Variants in PIK3R6 observed in about 807,000 individuals in gnomAD.
The protein encoded by PIK3R6 is phosphoinositide-3-kinase regulatory subunit 6, also known as phosphoinositide 3-kinase regulatory subunit 6.
PIK3R6 carries 91 observed loss-of-function variants against 84.9 expected under a neutral mutation model. That is an observed-to-expected ratio of 1.07 (90% CI 0.90 to 1.28). PIK3R6 has a LOEUF of 1.28. Among genes scored for constraint, PIK3R6 ranks in the 50% most tolerant of loss-of-function variants. The probability of loss-of-function intolerance (pLI) is 0.00; values close to 1 mark genes in which losing one functional copy is unlikely to be tolerated. For missense variants in PIK3R6, 996 were observed against 985.1 expected, an observed-to-expected ratio of 1.01 and a Z score of -0.15; for synonymous variants, 416 against 411.4, an observed-to-expected ratio of 1.01 and a Z score of -0.13.
chr17:8,864,142 A>C (rs1345209014), intron 1 of PIK3R6, among the ~76,000 whole-genome samples: 1 of 152,248 alleles, frequency 6.6e-6, no homozygotes, highest in African/African-American at 2.4e-5. Flanking sequence ...CTTGGAAGAT[A>C]CTGTCCATTC....
chr17:8,866,582 C>A (rs2089419126), intron 1 of PIK3R6, among the ~76,000 whole-genome samples: 1 of 151,994 alleles, frequency 6.6e-6, no homozygotes, highest in South Asian at 2.1e-4. Flanking sequence ...CTCCACACAC[C>A]CCCTCTAGCT....
At chr17:8,838,972 G>A (rs1212092358) in intron 3 of PIK3R6, among the ~76,000 whole-genome samples, 1 of 152,212 alleles carries the variant, frequency 6.6e-6, no homozygotes, top group African/African-American at 2.4e-5. Flanking sequence ...TGTGTGCTCC[G>A]AGCCACATTC....
chr17:8,835,412 C>A lies in PIK3R6; in HGVS notation c.506G>T (p.Cys169Phe). Residue 169 changes from cysteine to phenylalanine, a missense_variant, in exon 8 of 20, where the codon TGC becomes TTC. Coordinates refer to ENST00000619866, the MANE Select transcript of PIK3R6 (RefSeq NM_001010855.4). ...CTCGATCTCCAGTAGCAGAGCACTG[C>A]ACACAGACGCAGACACCAGCTCAGG... ...VDPELVSASV[C>F]SALLLEIEAA... The A allele has an allele frequency of 6.2e-7, 1 of 1,604,558 alleles. No homozygotes were observed. The highest frequency in any genetic ancestry group is 1.1e-5 in the South Asian group (1 of 90,530).
In PIK3R6 at chr17:8,839,398, G is replaced by A. The variant is rs1168502973; in HGVS notation, c.97+216C>T. 2.0e-5 allele frequency among the ~76,000 whole-genome samples: 3 copies of A among 152,094 alleles called. No individual in the cohort carries two copies. The highest frequency in any genetic ancestry group is 4.4e-5 in the Non-Finnish European group (3 of 68,008). ...AGAAAAAGGGTGGCAGATCCCCAATGTGCTCTGTGGCAGTTGCTGGGAGGG... is the reference window on the plus strand; with the variant it reads ...AGAAAAAGGGTGGCAGATCCCCAATATGCTCTGTGGCAGTTGCTGGGAGGG... On this transcript the variant is annotated intron_variant, in intron 3 of 19. Transcript: ENST00000619866. This position sits in a 1 kb window ranked among gnomAD's most constrained non-coding sequence, Gnocchi z 4.2.
At chr17:8,867,360 G>T (rs988576908) in intron 1 of PIK3R6, among the ~76,000 whole-genome samples, 169 bp downstream of exon 1, 1 of 152,182 alleles carries the variant, frequency 6.6e-6, no homozygotes, top group Admixed American at 6.5e-5. Context: ...AGTGTCTGAG[G>T]TCACCCTTCT....
At chr17:8,808,641 T>C (rs1372965706) in intron 18 of PIK3R6, among the ~76,000 whole-genome samples, 1 of 152,202 alleles carries the variant, frequency 6.6e-6, no homozygotes, top group East Asian at 1.9e-4. Flanking sequence ...CTTAGTTCAA[T>C]GCAGGAGTCA....
chr17:8,829,643 C>A (rs897771115), intron 10 of PIK3R6, 63 bp downstream of exon 10: 1 of 1,466,742 alleles, frequency 6.8e-7, no homozygotes. Flanking sequence ...CACACTCATG[C>A]ACGCATACAC....
chr17:8,866,323 G>A (rs964229275), intron 1 of PIK3R6, among the ~76,000 whole-genome samples: 1 of 152,128 alleles, frequency 6.6e-6, no homozygotes, highest in East Asian at 1.9e-4. Flanking sequence ...GGATCACGAG[G>A]TCAGGAGATC....
intron 3 of PIK3R6, 108 bp from the exon 4 acceptor site, chr17:8,838,763 G>T: frequency 9.3e-7 from 1 of 1,076,534 alleles, no homozygotes; most frequent in Non-Finnish European, 1.3e-6. Context: ...GCTCTGACCA[G>T]CCACGGGTGT....
intron 18 of PIK3R6, among the ~76,000 whole-genome samples, chr17:8,818,786 T>G (rs537203475): frequency 2.4e-4 from 36 of 152,310 alleles, no homozygotes; most frequent in African/African-American, 7.9e-4. Flanking sequence ...CTGGGATGAC[T>G]GGACATAGGT....
At chr17:8,853,240 C>G (rs1378727442) in intron 1 of PIK3R6, among the ~76,000 whole-genome samples, 2 of 151,726 alleles carry the variant, frequency 1.3e-5, no homozygotes, top group African/African-American at 2.4e-5. Context: ...AATCCCAGCA[C>G]TTTGGGAGGC....
At chr17:8,830,055 T>C (rs2088180892) in intron 9 of PIK3R6, among the ~76,000 whole-genome samples, 1 of 152,206 alleles carries the variant, frequency 6.6e-6, no homozygotes. Context: ...ACAAACCAGC[T>C]CACAAGGCCT....
chr17:8,864,333 T>G (rs1322758437), intron 1 of PIK3R6, among the ~76,000 whole-genome samples: 1 of 151,816 alleles, frequency 6.6e-6, no homozygotes, highest in South Asian at 2.1e-4. Flanking sequence ...CCCTAGGACT[T>G]AGGGGAAAGG....
intron 1 of PIK3R6, among the ~76,000 whole-genome samples, chr17:8,864,802 G>T (rs568956152): frequency 3.3e-5 from 5 of 152,228 alleles, no homozygotes; most frequent in South Asian, 4.1e-4. Flanking sequence ...CTCCCAAAGT[G>T]CTGGGATTAC....
At chr17:8,818,684 A>G (rs1351448116) in intron 18 of PIK3R6, among the ~76,000 whole-genome samples, 1 of 152,136 alleles carries the variant, frequency 6.6e-6, no homozygotes, top group Non-Finnish European at 1.5e-5. Context: ...AGCAAAGGCT[A>G]AAGGGCAAAG....
At chr17:8,860,316 C>T (rs555841207) in intron 1 of PIK3R6, among the ~76,000 whole-genome samples, 63 of 152,226 alleles carry the variant, frequency 4.1e-4, no homozygotes, top group African/African-American at 1.4e-3. Flanking sequence ...ATAAGATTCT[C>T]ATAGAAGCTC....
intron 1 of PIK3R6, among the ~76,000 whole-genome samples, chr17:8,856,497 G>T (rs2089145158): frequency 6.6e-6 from 1 of 152,224 alleles, no homozygotes; most frequent in Admixed American, 6.5e-5. Context: ...AGCTACCCGG[G>T]AGGCTGAAGC....
chr17:8,840,064 A>G (rs2087236437), intron 2 of PIK3R6, among the ~76,000 whole-genome samples: 1 of 151,712 alleles, frequency 6.6e-6, no homozygotes, highest in African/African-American at 2.4e-5. Flanking sequence ...TATATCCTCC[A>G]AACATATATA....
intron 18 of PIK3R6, among the ~76,000 whole-genome samples, chr17:8,813,416 TCACTCTGATACCAAAGCTAGG>T (rs1447345641): frequency 6.6e-6 from 1 of 152,126 alleles, no homozygotes; most frequent in African/African-American, 2.4e-5. Flanking sequence ...CCAGGGTCAG[TCACTCTGATACCAAAGCTAGG>T]CAAGAACACA....
Sources: gnomAD v4.1 joint callset for allele counts (sites outside exome capture counted in the v4.1 genomes callset) on GRCh38, gnomAD v4.1.1 for gene constraint, Gnocchi (gnomAD v3.1) non-coding constraint, MANE v1.5 for transcripts, NCBI Gene and HGNC (gene_info 2026-07-23, HGNC 2026-07-21) for gene names.